Variants in AGAP4 observed in about 807,000 individuals in gnomAD.
The protein encoded by AGAP4 is ArfGAP with GTPase domain, ankyrin repeat and PH domain 4, also known as arf-GAP with GTPase, ANK repeat and PH domain-containing protein 4.
Under a neutral mutation model 60.7 loss-of-function variants are expected in AGAP4, and 13 were observed. The ratio of observed to expected loss-of-function variants is 0.21; its 90% CI spans 0.14 to 0.34. AGAP4 has a LOEUF of 0.34. Ranked by LOEUF, AGAP4 falls within the 10% of genes least tolerant of loss-of-function variation. The probability of loss-of-function intolerance (pLI) is 1.00; values close to 1 mark genes in which losing one functional copy is unlikely to be tolerated. For synonymous variants in AGAP4, 70 were observed against 339.0 expected (o/e 0.21, Z 8.72); for missense variants, 169 against 884.0 (o/e 0.19, Z 10.26).
At chr10:45,829,852 G>C (rs2058702770) in intron 6 of AGAP4, among the ~76,000 whole-genome samples, 1 of 150,440 alleles carries the variant, frequency 6.6e-6, no homozygotes, top group Non-Finnish European at 1.5e-5. Flanking sequence ...AATACTTAAA[G>C]GCGTGTTAAA....
upstream of AGAP4, among the ~76,000 whole-genome samples, chr10:45,850,598 A>G (rs1375590729): frequency 4.3e-4 from 66 of 152,384 alleles, no homozygotes; most frequent in Admixed American, 1.6e-3. Flanking sequence ...ACTTTCTCTA[A>G]AGGCAGAGTA....
chr10:45,830,196 A>C (rs1222473380), intron 6 of AGAP4, among the ~76,000 whole-genome samples: 1 of 149,010 alleles, frequency 6.7e-6, no homozygotes, highest in Non-Finnish European at 1.5e-5. Context: ...TTTTTGAGAC[A>C]GAGTCGCTCT....
chr10:45,837,754 A>T (rs2058846069), intron 4 of AGAP4, among the ~76,000 whole-genome samples: 1 of 151,476 alleles, frequency 6.6e-6, no homozygotes, highest in Non-Finnish European at 1.5e-5. Context: ...ATGACCTGAA[A>T]CCATAAAAGT....
At chr10:45,850,205 A>G (rs1554900179), upstream of AGAP4, among the ~76,000 whole-genome samples, 1 of 150,276 alleles carries the variant, frequency 6.7e-6, no homozygotes, top group Non-Finnish European at 1.5e-5. Flanking sequence ...CTGGGATTGC[A>G]GGCGTGAGCC....
intron 4 of AGAP4, among the ~76,000 whole-genome samples, chr10:45,834,923 A>G (rs1339398448): frequency 6.8e-6 from 1 of 147,052 alleles, no homozygotes; most frequent in Non-Finnish European, 1.5e-5. Context: ...ACAGGCGCCC[A>G]CCACCGTGCC....
At chr10:45,828,336 A>G (rs2058678457) in intron 6 of AGAP4, among the ~76,000 whole-genome samples, 1 of 149,640 alleles carries the variant, frequency 6.7e-6, no homozygotes, top group East Asian at 2.0e-4. Flanking sequence ...CTAACAGGCC[A>G]TGGCAATAAA....
At chr10:45,851,165 G>A (rs1365902905), upstream of AGAP4, among the ~76,000 whole-genome samples, 65 of 152,134 alleles carry the variant, frequency 4.3e-4, 1 homozygote, top group Non-Finnish European at 7.9e-4. Context: ...TGGGTGTGGA[G>A]GTGACTGCCC....
intron 4 of AGAP4, among the ~76,000 whole-genome samples, chr10:45,840,086 G>A (rs2058893102): frequency 6.7e-6 from 1 of 149,124 alleles, no homozygotes; most frequent in Non-Finnish European, 1.5e-5. Flanking sequence ...AGGTTTAGTA[G>A]CCTCAATAAA....
Position 45,840,084 on chromosome 10 carries a change from T to C in AGAP4, c.396+1569A>G, listed in dbSNP as rs1387090184. The stretch of plus-strand genomic sequence containing the variant: ...AAGAAGAGATAGTCTGCAGGTTTAG[T>C]AGCCTCAATAAAATGAAAAGATCCC... On this transcript the variant is annotated intron_variant, in intron 4 of 7. Coordinates refer to ENST00000616763, the MANE Select transcript of AGAP4 (RefSeq NM_001276343.3). 6.7e-5 allele frequency among the ~76,000 whole-genome samples: 10 copies of C among 149,016 alleles called. 1 individual carries two copies. Among genetic ancestry groups the C allele is most frequent in the African/African-American group, 2.2e-4 (9 of 40,074 alleles).
upstream of AGAP4, among the ~76,000 whole-genome samples, chr10:45,849,476 T>TGATGATG (rs1351559362): frequency 1.2e-4 from 15 of 127,632 alleles, no homozygotes; most frequent in African/African-American, 4.1e-4. Context: ...TGATGATGAT[T>TGATGATG]ATTATTATTA....
intron 4 of AGAP4, among the ~76,000 whole-genome samples, chr10:45,840,028 A>T (rs1430236725): frequency 2.7e-5 from 4 of 150,610 alleles, no homozygotes; most frequent in Non-Finnish European, 2.9e-5. Context: ...TCAGTAAAAA[A>T]GTAACAGAGA....
chr10:45,850,903 T>C (rs1224756085), upstream of AGAP4, among the ~76,000 whole-genome samples: 3 of 152,024 alleles, frequency 2.0e-5, no homozygotes, highest in African/African-American at 7.3e-5. Context: ...CTAAGTCCAT[T>C]TGTGACATCC....
In AGAP4 at chr10:45,826,845, G is replaced by A. The variant is rs1344783151; in HGVS notation, c.1131C>T (p.Phe377=). 2.3e-6 allele frequency: 3 copies of A among 1,312,328 alleles called. No individual in the cohort carries two copies. The highest frequency in any genetic ancestry group is 3.2e-6 in the Non-Finnish European group (3 of 945,274). The allele number at this position is 1,312,328 out of a possible 1,614,324, so 81.3% of individuals were successfully genotyped here. ...MDTGLGDSIC[F]SPSISSTTSP... ...TGGTGGTGCTGGAGATACTGGGGCT[G>A]AAGCATATGGAGTCACCCAGCCCGG... is the stretch of plus-strand genomic sequence containing the variant. The change falls in exon 8 of 8, where the codon TTC becomes TTT. Residue 377 remains phenylalanine, a synonymous_variant. Transcript: ENST00000616763.
At chr10:45,838,709 G>A (rs1304131127) in intron 4 of AGAP4, among the ~76,000 whole-genome samples, 2 of 151,406 alleles carry the variant, frequency 1.3e-5, no homozygotes, top group East Asian at 1.9e-4. Context: ...TAGGTAATAC[G>A]AAAGGCGCAT....
chr10:45,839,368 T>G (rs2058880978), intron 4 of AGAP4, among the ~76,000 whole-genome samples: 1 of 115,864 alleles, frequency 8.6e-6, no homozygotes, highest in South Asian at 4.9e-4. Context: ...GTTGCAAATC[T>G]CTAACTAGAG....
At chr10:45,846,863 C>T in intron 1 of AGAP4, 108 bp from the exon 2 acceptor site, 3 of 722,246 alleles carry the variant, frequency 4.2e-6, no homozygotes, top group Admixed American at 5.8e-5. Flanking sequence ...ATAAATGGTC[C>T]CATGCCAGCC....
At chr10:45,839,413 A>G (rs2058881637) in intron 4 of AGAP4, among the ~76,000 whole-genome samples, 2 of 112,348 alleles carry the variant, frequency 1.8e-5, no homozygotes, top group African/African-American at 6.1e-5. Flanking sequence ...CTGACAAGAA[A>G]CTTAGATGTG....
chr10:45,829,452 T>C (rs1257619146), intron 6 of AGAP4, among the ~76,000 whole-genome samples: 3 of 149,094 alleles, frequency 2.0e-5, no homozygotes, highest in African/African-American at 4.9e-5. Flanking sequence ...CTCACGCCTG[T>C]AAAATCCCAG....
chr10:45,849,973 C>G (rs2059063550), upstream of AGAP4, among the ~76,000 whole-genome samples: 1 of 150,396 alleles, frequency 6.6e-6, no homozygotes, highest in East Asian at 2.0e-4. Context: ...ACTCTGTTGC[C>G]CAGGCAGTGG....
Sources: allele counts gnomAD v4.1 joint callset (sites outside exome capture counted in the v4.1 genomes callset), GRCh38; gene constraint gnomAD v4.1.1; transcripts MANE v1.5; gene names NCBI Gene and HGNC (gene_info 2026-07-23, HGNC 2026-07-21).